PCDHA4: variants seen among roughly 807,000 people sequenced by gnomAD.
The protein encoded by PCDHA4 is protocadherin alpha-4.
PCDHA4 carries 49 observed loss-of-function variants against 61.4 expected under a neutral mutation model. The ratio of observed to expected loss-of-function variants is 0.80; its 90% CI spans 0.63 to 1.01. PCDHA4 has a LOEUF of 1.01. PCDHA4 is among the 50% of genes least tolerant of loss of function. PCDHA4 has a pLI of 0.00. For synonymous variants in PCDHA4, 590 were observed against 550.3 expected (o/e 1.07, Z -1.01); for missense variants, 1,254 against 1,235.8 (o/e 1.01, Z -0.22).
chr5:140,892,061 T>C (rs1445819046), intron 1 of PCDHA4, among the ~76,000 whole-genome samples: 1 of 152,254 alleles, frequency 6.6e-6, no homozygotes, highest in Non-Finnish European at 1.5e-5. Context: ...AATTTATTGT[T>C]ACTTTGTATA....
At chr5:140,855,874 T>C (rs1554147980) in intron 1 of PCDHA4, 13 of 866,802 alleles carry the variant, frequency 1.5e-5, no homozygotes, top group East Asian at 2.6e-5. Flanking sequence ...GTCCACAAAA[T>C]AGCTTTTTAG....
intron 1 of PCDHA4, among the ~76,000 whole-genome samples, chr5:140,872,635 C>T (rs1172137990): frequency 6.6e-6 from 1 of 152,028 alleles, no homozygotes; most frequent in Non-Finnish European, 1.5e-5. Context: ...GATTTTGTTC[C>T]ATGAAAAGGC....
chr5:140,821,838 C>CT (rs1767080006), intron 1 of PCDHA4: 1 of 1,614,194 alleles, frequency 6.2e-7, no homozygotes, highest in African/African-American at 1.3e-5. Flanking sequence ...TTCTCCTTGC[C>CT]TACTGGAAGG....
At chr5:140,986,371 G>C (rs1453761888) in intron 3 of PCDHA4, among the ~76,000 whole-genome samples, 1 of 152,116 alleles carries the variant, frequency 6.6e-6, no homozygotes, top group Non-Finnish European at 1.5e-5. Flanking sequence ...AATGCGTTTT[G>C]GGGGGAGGGA....
At position 140,857,846 on chromosome 5, in the gene PCDHA4, T is replaced by C. The variant is rs782107328; in HGVS notation, c.2385+48274T>C. 6.3e-6 allele frequency: 10 copies of C among 1,597,716 alleles called. 1 individual carries two copies. Among genetic ancestry groups the C allele is most frequent in the Non-Finnish European group, 8.6e-6 (10 of 1,167,514 alleles). ...TAAGGTGCGCGCAGTGGACGCTGAC[T>C]CTGGATACAACGCGTGGCTGTCGTA... is the stretch of plus-strand genomic sequence containing the variant. On this transcript the variant is annotated intron_variant, in intron 1 of 3. Coordinates refer to ENST00000530339, the MANE Select transcript of PCDHA4 (RefSeq NM_018907.4).
Position 140,834,561 on chromosome 5 carries a change from G to A in PCDHA4, c.2385+24989G>A, listed in dbSNP as rs2150221029. ...CCTGGGGCTGGAGCTGGCGGAGCTG[G>A]TGCCGCGCCTGTTCCGGGCGGTGTG... On this transcript the variant is annotated intron_variant, in intron 1 of 3. Coordinates refer to ENST00000530339, the MANE Select transcript of PCDHA4 (RefSeq NM_018907.4). 3.5e-5 allele frequency: 56 copies of A among 1,614,112 alleles called. No homozygotes were observed. Among genetic ancestry groups the A allele is most frequent in the Admixed American group, 1.5e-4 (9 of 60,010 alleles).
intron 1 of PCDHA4, chr5:140,861,087 C>T (rs1554154139): frequency 6.6e-6 from 1 of 152,266 alleles, no homozygotes; most frequent in African/African-American, 2.4e-5. Flanking sequence ...AAAGAAGCTC[C>T]ATTGTTCCTG....
chr5:140,984,091 T>G (rs1357477287), intron 3 of PCDHA4, among the ~76,000 whole-genome samples: 1 of 152,204 alleles, frequency 6.6e-6, no homozygotes. Context: ...GAAGAAATGA[T>G]GGAGGAGGAA....
chr5:140,820,048 A>G (rs1464313684), intron 1 of PCDHA4, among the ~76,000 whole-genome samples: 1 of 151,984 alleles, frequency 6.6e-6, no homozygotes, highest in Non-Finnish European at 1.5e-5. Context: ...TTACTGTTAT[A>G]TAATAGAAAG....
In PCDHA4 at chr5:140,840,083, C is replaced by G. The variant is rs2150303181; in HGVS notation, c.2385+30511C>G. Among the ~76,000 whole-genome samples, 6 of 151,974 alleles carry G rather than the reference C, an allele frequency of 3.9e-5. No individual in the cohort carries two copies. The East Asian group carries it at 7.7e-4, about 20-fold the overall frequency. On this transcript the variant is annotated intron_variant, in intron 1 of 3. Coordinates refer to ENST00000530339, the MANE Select transcript of PCDHA4 (RefSeq NM_018907.4). The stretch of plus-strand genomic sequence containing the variant: ...GACAATTAGTCAATAGAAAGATAAA[C>G]TTGTTGAAGATTTTAGTGAAATCGA...
At chr5:140,991,440 C>T (rs2097452926) in intron 3 of PCDHA4, among the ~76,000 whole-genome samples, 1 of 152,190 alleles carries the variant, frequency 6.6e-6, no homozygotes, top group Non-Finnish European at 1.5e-5. Context: ...AACTTCATGG[C>T]TTAAAACAAC....
Position 140,841,931 on chromosome 5 carries a change from G to T in PCDHA4, c.2385+32359G>T, listed in dbSNP as rs1554138650. ...ATTAAGAAAATCCTTGGACAGAGAG[G>T]ACGCTCCTGCGCACCACTTATTCCT... On this transcript the variant is annotated intron_variant, in intron 1 of 3. Coordinates refer to ENST00000530339, the MANE Select transcript of PCDHA4 (RefSeq NM_018907.4). The T allele has an allele frequency of 4.3e-6, 7 of 1,613,782 alleles. No homozygotes were observed. In the African/African-American group the frequency reaches 9.4e-5, roughly 22 times the overall value.
chr5:140,924,274 T>C (rs904028474), intron 1 of PCDHA4, among the ~76,000 whole-genome samples: 1 of 152,232 alleles, frequency 6.6e-6, no homozygotes, highest in East Asian at 1.9e-4. Flanking sequence ...TCTGTACTTG[T>C]GACTACCTAA....
At position 140,851,623 on chromosome 5, in the gene PCDHA4, TA is replaced by T. The variant is rs1286415417; in HGVS notation, c.2385+42054del. 3.6e-5 allele frequency: 33 copies of T among 920,270 alleles called. 3 individuals carry two copies. Among genetic ancestry groups the T allele is most frequent in the Non-Finnish European group, 3.8e-5 (29 of 756,686 alleles). The allele number at this position is 920,270 out of a possible 1,614,324, so 57.0% of individuals were successfully genotyped here. On this transcript the variant is annotated intron_variant, in intron 1 of 3. Transcript: ENST00000530339. ...TACAGAAATTGGAGAAAATGCTTTT[TA>T]AACAAGTGTTTCCTTTCTTCAAGAA... is the stretch of plus-strand genomic sequence containing the variant.
chr5:140,836,094 G>C, intron 1 of PCDHA4: 1 of 1,613,708 alleles, frequency 6.2e-7, no homozygotes, highest in Middle Eastern at 1.6e-4. Context: ...GCCTCGGGTG[G>C]GTGGCACTGG....
chr5:140,946,611 A>AATATATATATATATATATATATAT (rs1554217734), intron 1 of PCDHA4, among the ~76,000 whole-genome samples: 1,222 of 86,096 alleles, frequency 0.014, 42 homozygotes, highest in African/African-American at 0.029. Context: ...GAAAATGTGA[A>AATATATATATATATATATATATAT]ATATATATAT....
intron 1 of PCDHA4, among the ~76,000 whole-genome samples, chr5:140,961,617 C>T (rs781986571): frequency 2.0e-5 from 3 of 152,086 alleles, no homozygotes; most frequent in Non-Finnish European, 4.4e-5. Context: ...AACTAAAGTG[C>T]CCATATGAAA....
chr5:140,869,264 T>C (rs782308224), intron 1 of PCDHA4: 1 of 1,613,438 alleles, frequency 6.2e-7, no homozygotes, highest in South Asian at 1.1e-5. Context: ...GACCTGGGGC[T>C]GGAGCTGGCG....
intron 1 of PCDHA4, among the ~76,000 whole-genome samples, chr5:140,890,620 A>G (rs1554184472): frequency 6.6e-6 from 1 of 152,196 alleles, no homozygotes; most frequent in East Asian, 1.9e-4. Flanking sequence ...TTACCCTAGA[A>G]AATTAAGCAT....
Sources: allele counts gnomAD v4.1 joint callset (sites outside exome capture counted in the v4.1 genomes callset), GRCh38; gene constraint gnomAD v4.1.1; transcripts MANE v1.5; gene names NCBI Gene and HGNC (gene_info 2026-07-23, HGNC 2026-07-21).